CHST9: variants seen among roughly 807,000 people sequenced by gnomAD.
CHST9 encodes GalNAc-4-sulfotransferase 2.
In CHST9, 41 loss-of-function variants were observed where a neutral mutation model predicts 44.4. The observed-to-expected ratio is 0.92, with a 90% CI of 0.72 to 1.20. CHST9 has a LOEUF of 1.20. Among genes scored for constraint, CHST9 ranks in the 50% most tolerant of loss-of-function variants. CHST9 has a pLI of 0.00. For missense variants in CHST9, 504 were observed against 516.5 expected (o/e 0.98, Z 0.23); for synonymous variants, 171 against 178.4 (o/e 0.96, Z 0.33).
chr18:26,925,224 A>G (rs2055743182), intron 5 of CHST9, among the ~76,000 whole-genome samples: 1 of 152,148 alleles, frequency 6.6e-6, no homozygotes, highest in Non-Finnish European at 1.5e-5. Context: ...GCCAGGCAGA[A>G]TCATTTCCAT....
intron 4 of CHST9, among the ~76,000 whole-genome samples, chr18:26,948,017 A>AC (rs2056190660): frequency 2.0e-5 from 3 of 152,244 alleles, no homozygotes; most frequent in African/African-American, 7.2e-5. Context: ...TCAATGACAG[A>AC]CAGGATAAAG....
At chr18:27,050,364 G>A (rs1005894284) in intron 2 of CHST9, among the ~76,000 whole-genome samples, 19 of 152,138 alleles carry the variant, frequency 1.2e-4, no homozygotes, top group African/African-American at 3.9e-4. Context: ...GGTGAGGACC[G>A]TGGTTTGGGA....
At chr18:27,062,966 G>T in intron 2 of CHST9, among the ~76,000 whole-genome samples, 1 of 152,070 alleles carries the variant, frequency 6.6e-6, no homozygotes, top group East Asian at 1.9e-4. Context: ...TTGCTGCCAG[G>T]GCTCTGACAC....
At chr18:27,162,083 C>T (rs1283685673) in intron 1 of CHST9, among the ~76,000 whole-genome samples, 17 of 152,266 alleles carry the variant, frequency 1.1e-4, no homozygotes, top group African/African-American at 9.6e-5. Flanking sequence ...CTGTGTCTTT[C>T]AGTTGGAGCA....
chr18:27,125,302 T>C (rs769054643), intron 2 of CHST9, among the ~76,000 whole-genome samples: 1 of 152,192 alleles, frequency 6.6e-6, no homozygotes, highest in Non-Finnish European at 1.5e-5. Context: ...GACCATGAAA[T>C]ATGTAAGTAT....
chr18:27,134,869 A>G (rs558444969), intron 2 of CHST9, among the ~76,000 whole-genome samples: 1 of 152,348 alleles, frequency 6.6e-6, no homozygotes, highest in South Asian at 2.1e-4. Flanking sequence ...AACTAGAAGT[A>G]TACAAGAAAA....
At chr18:26,925,316 G>C (rs1167407080) in intron 5 of CHST9, among the ~76,000 whole-genome samples, 1 of 149,954 alleles carries the variant, frequency 6.7e-6, no homozygotes, top group African/African-American at 2.4e-5. Flanking sequence ...AGGGGGCATG[G>C]AGCAAGCTGG....
At chr18:26,920,418 T>C (rs1032022773) in intron 5 of CHST9, among the ~76,000 whole-genome samples, 2 of 152,198 alleles carry the variant, frequency 1.3e-5, no homozygotes, top group African/African-American at 4.8e-5. Flanking sequence ...TTTCAAAATA[T>C]TTCCTGCAGA....
chr18:26,951,447 C>T (rs969130927), intron 4 of CHST9, among the ~76,000 whole-genome samples: 2 of 152,140 alleles, frequency 1.3e-5, no homozygotes, highest in Admixed American at 1.3e-4. Context: ...TATGATTCTG[C>T]ATTTCAGAAA....
At chr18:27,032,420 A>G (rs1161649489) in intron 3 of CHST9, among the ~76,000 whole-genome samples, 1 of 152,226 alleles carries the variant, frequency 6.6e-6, no homozygotes, top group Non-Finnish European at 1.5e-5. Flanking sequence ...TAATACTACT[A>G]ATAAAAATAC....
At chr18:27,170,419 T>C (rs955961807) in intron 1 of CHST9, among the ~76,000 whole-genome samples, 1 of 152,188 alleles carries the variant, frequency 6.6e-6, no homozygotes, top group Non-Finnish European at 1.5e-5. Context: ...AAACAGGCCT[T>C]TATTGTATTA....
At chr18:27,059,071 C>T (rs902877700) in intron 2 of CHST9, among the ~76,000 whole-genome samples, 6 of 151,968 alleles carry the variant, frequency 3.9e-5, no homozygotes, top group Non-Finnish European at 8.8e-5. Context: ...TAAAATTATT[C>T]CTTTTCATGA....
At chr18:27,164,980 A>C (rs1403109710) in intron 1 of CHST9, among the ~76,000 whole-genome samples, 1 of 152,232 alleles carries the variant, frequency 6.6e-6, no homozygotes, top group African/African-American at 2.4e-5. Context: ...GGACATAACA[A>C]GGCAAGGGAG....
chr18:27,037,327 T>C (rs920095223), intron 3 of CHST9, among the ~76,000 whole-genome samples: 3 of 152,160 alleles, frequency 2.0e-5, no homozygotes, highest in Non-Finnish European at 4.4e-5. Context: ...GGAAAGGGTA[T>C]GATGCCTAAC....
chr18:27,071,719 C>T (rs1398491414), intron 2 of CHST9, among the ~76,000 whole-genome samples: 2 of 152,094 alleles, frequency 1.3e-5, no homozygotes, highest in Non-Finnish European at 2.9e-5. Context: ...GCTGCCAGGA[C>T]AAAATGAACT....
At chr18:27,004,435 C>G (rs2056989169) in intron 4 of CHST9, among the ~76,000 whole-genome samples, 2 of 151,900 alleles carry the variant, frequency 1.3e-5, no homozygotes, top group African/African-American at 4.8e-5. Flanking sequence ...TAAGATTTCT[C>G]ACTTCAAAAT....
chr18:26,923,053 C>T (rs2055692538), intron 5 of CHST9, among the ~76,000 whole-genome samples: 1 of 152,202 alleles, frequency 6.6e-6, no homozygotes, highest in Non-Finnish European at 1.5e-5. Context: ...TGTTGAGCAC[C>T]TCCTATACAT....
intron 1 of CHST9, among the ~76,000 whole-genome samples, chr18:27,150,655 T>C (rs79179830): frequency 0.033 from 4,990 of 152,294 alleles, 137 homozygotes; most frequent in Non-Finnish European, 0.048. Context: ...CTGACTTTGG[T>C]TTGTTTAGTG....
At chr18:27,062,406 G>A (rs984081694) in intron 2 of CHST9, among the ~76,000 whole-genome samples, 62 of 152,072 alleles carry the variant, frequency 4.1e-4, no homozygotes, top group Non-Finnish European at 7.2e-4. Flanking sequence ...GTGAGAACAC[G>A]TGGTGTTTGG....
Sources: allele counts gnomAD v4.1 joint callset (sites outside exome capture counted in the v4.1 genomes callset), GRCh38; gene constraint gnomAD v4.1.1; transcripts MANE v1.5; gene names NCBI Gene and HGNC (gene_info 2026-07-23, HGNC 2026-07-21).